Variants in MAPK10 observed in about 807,000 individuals in gnomAD.
MAPK10 encodes JNK3 alpha protein kinase.
A neutral mutation model predicts 59.3 loss-of-function variants in MAPK10; 25 were observed. That is an observed-to-expected ratio of 0.42 (90% CI 0.31 to 0.59). MAPK10 has a LOEUF of 0.59. Ranked by LOEUF, MAPK10 falls within the 20% of genes least tolerant of loss-of-function variation. MAPK10 has a pLI of 0.15. For synonymous variants in MAPK10, 190 were observed against 200.5 expected (o/e 0.95, Z 0.44); for missense variants, 351 against 568.9 (o/e 0.62, Z 3.90).
At chr4:86,076,479 C>G (rs964241153) in intron 9 of MAPK10, among the ~76,000 whole-genome samples, 6 of 152,124 alleles carry the variant, frequency 3.9e-5, no homozygotes, top group Admixed American at 6.5e-5. Context: ...ACTCCTATCT[C>G]CTGTTTCCAT....
intron 2 of MAPK10, among the ~76,000 whole-genome samples, chr4:86,271,728 T>C (rs943061781): frequency 1.7e-4 from 26 of 151,886 alleles, no homozygotes; most frequent in South Asian, 2.1e-4. Flanking sequence ...CTTCTTCAAA[T>C]GGCAGCAGCA....
chr4:86,557,958 A>G (rs1760395656), intron 1 of MAPK10, among the ~76,000 whole-genome samples: 1 of 152,134 alleles, frequency 6.6e-6, no homozygotes, highest in Non-Finnish European at 1.5e-5. Context: ...AATCATTGGT[A>G]TATTGATGCT....
At chr4:86,414,395 T>G (rs985748714) in intron 1 of MAPK10, among the ~76,000 whole-genome samples, 1 of 152,146 alleles carries the variant, frequency 6.6e-6, no homozygotes, top group African/African-American at 2.4e-5. Flanking sequence ...TCTAGTCTAG[T>G]CAAACAGAAA....
chr4:86,049,284 T>C (rs760839543), intron 11 of MAPK10, among the ~76,000 whole-genome samples: 7 of 152,076 alleles, frequency 4.6e-5, no homozygotes, highest in Non-Finnish European at 8.8e-5. Context: ...ACAAAAAAGT[T>C]TGAGAAACAA....
intron 1 of MAPK10, among the ~76,000 whole-genome samples, chr4:86,481,341 C>A (rs1286194113): frequency 2.0e-5 from 3 of 151,494 alleles, no homozygotes; most frequent in Non-Finnish European, 4.4e-5. Flanking sequence ...AGGCACCAAT[C>A]AGCATACTAA....
At chr4:86,291,398 C>T (rs982700275) in intron 2 of MAPK10, among the ~76,000 whole-genome samples, 1 of 152,196 alleles carries the variant, frequency 6.6e-6, no homozygotes, top group African/African-American at 2.4e-5. Flanking sequence ...CACATCACAT[C>T]AGCCTACCCT....
chr4:86,404,092 A>G (rs893120231), intron 1 of MAPK10, among the ~76,000 whole-genome samples: 1 of 152,198 alleles, frequency 6.6e-6, no homozygotes, highest in South Asian at 2.1e-4. Flanking sequence ...GTTGTAGACT[A>G]TTGTGAACTC....
At chr4:86,215,528 C>T (rs781701164) in intron 2 of MAPK10, among the ~76,000 whole-genome samples, 4 of 152,064 alleles carry the variant, frequency 2.6e-5, no homozygotes, top group Non-Finnish European at 5.9e-5. Context: ...AATTCAAATC[C>T]AAAATACGTA....
intron 9 of MAPK10, chr4:86,089,411 A>T: frequency 1.6e-6 from 1 of 606,754 alleles, no homozygotes; most frequent in Non-Finnish European, 2.9e-6. Context: ...CAGTGGCATG[A>T]TCATTAGCAT....
chr4:86,346,559 T>C (rs1452783457), intron 2 of MAPK10, among the ~76,000 whole-genome samples: 1 of 152,156 alleles, frequency 6.6e-6, no homozygotes, highest in Non-Finnish European at 1.5e-5. Context: ...TATATTAGTC[T>C]GAAACTCACA....
intron 2 of MAPK10, among the ~76,000 whole-genome samples, chr4:86,232,307 T>G (rs2091664701): frequency 6.6e-6 from 1 of 152,192 alleles, no homozygotes; most frequent in Non-Finnish European, 1.5e-5. Context: ...GGTAAAAATT[T>G]AGCTAGGAAG....
intron 2 of MAPK10, among the ~76,000 whole-genome samples, chr4:86,305,854 C>A (rs1385125194): frequency 6.6e-6 from 1 of 151,094 alleles, no homozygotes. Flanking sequence ...CAGACAATCA[C>A]TTTCTTTTTA....
chr4:86,522,537 C>G (rs954267546), intron 1 of MAPK10, among the ~76,000 whole-genome samples: 7 of 152,026 alleles, frequency 4.6e-5, no homozygotes, highest in African/African-American at 1.7e-4. Flanking sequence ...GCTTCATAAC[C>G]AGAAGATGGA....
At chr4:86,292,545 T>C (rs886658721) in intron 2 of MAPK10, among the ~76,000 whole-genome samples, 2 of 152,094 alleles carry the variant, frequency 1.3e-5, no homozygotes, top group African/African-American at 4.8e-5. Context: ...AGCAAGACCC[T>C]GTCTCTACAA....
intron 2 of MAPK10, among the ~76,000 whole-genome samples, chr4:86,232,237 T>C (rs1583246732): frequency 6.6e-6 from 1 of 152,324 alleles, no homozygotes; most frequent in East Asian, 1.9e-4. Flanking sequence ...GTGTATACCA[T>C]AAACATGAGC....
At position 86,031,429 on chromosome 4, in the gene MAPK10, A is replaced by G. The variant is rs184685088; in HGVS notation, c.1113T>C (p.Pro371=). ...VWYDPAEVEA[P]PPQIYDKQLD... Reference sequence around the variant, plus strand: ...ACTGCTTGTCATATATCTGAGGTGGAGGCTGCCGAATAAAAACAAAAAATA... The same window carrying G: ...ACTGCTTGTCATATATCTGAGGTGGGGGCTGCCGAATAAAAACAAAAAATA... Residue 371 remains proline (P), a splice_region_variant and synonymous_variant, in exon 12 of 14, where the codon CCT becomes CCC. Coordinates refer to ENST00000641462, the MANE Select transcript of MAPK10 (RefSeq NM_138982.4). The G allele has an allele frequency of 1.9e-6, 3 of 1,610,838 alleles. No individual in the cohort carries two copies. Among genetic ancestry groups the G allele is most frequent in the Non-Finnish European group, 2.5e-6 (3 of 1,177,482 alleles).
At chr4:86,403,682 G>A (rs574037966) in intron 1 of MAPK10, among the ~76,000 whole-genome samples, 97 of 152,262 alleles carry the variant, frequency 6.4e-4, no homozygotes, top group South Asian at 3.7e-3. Flanking sequence ...ACAGGCGGCA[G>A]GAGAGAGAAG....
chr4:86,310,004 C>T (rs1391273372), intron 2 of MAPK10, among the ~76,000 whole-genome samples: 1 of 152,144 alleles, frequency 6.6e-6, no homozygotes, highest in Non-Finnish European at 1.5e-5. Flanking sequence ...TCAAAGTTAT[C>T]CCTCTGCTCA....
At chr4:86,400,351 C>T (rs1743532701) in intron 1 of MAPK10, among the ~76,000 whole-genome samples, 1 of 152,070 alleles carries the variant, frequency 6.6e-6, no homozygotes, top group Non-Finnish European at 1.5e-5. Context: ...AGGAAGCCAA[C>T]ATCTTTCAAA....
Sources: gnomAD v4.1 joint callset for allele counts (sites outside exome capture counted in the v4.1 genomes callset) on GRCh38, gnomAD v4.1.1 for gene constraint, MANE v1.5 for transcripts, NCBI Gene and HGNC (gene_info 2026-07-23, HGNC 2026-07-21) for gene names.